Variants in GALNT13 observed in about 807,000 individuals in gnomAD.
The protein encoded by GALNT13 is UDP-GalNAc:polypeptide N-acetylgalactosaminyltransferase 13.
A neutral mutation model predicts 64.2 loss-of-function variants in GALNT13; 28 were observed. The observed-to-expected ratio is 0.44, with a 90% CI of 0.32 to 0.60. The LOEUF is 0.60. GALNT13 is among the 20% of genes least tolerant of loss of function. The pLI is 0.05. For synonymous variants in GALNT13, 214 were observed against 224.6 expected (o/e 0.95, Z 0.42); for missense variants, 577 against 669.8 (o/e 0.86, Z 1.53).
chr2:153,696,611 G>T, the GALNT13 span, among the ~76,000 whole-genome samples: 4 of 103,716 alleles, frequency 3.9e-5, no homozygotes, highest in African/African-American at 1.0e-4. Context: ...TAATAAAATA[G>T]AGTAATTACA....
chr2:153,873,890 C>T (rs1440655177), intron 1 of GALNT13, among the ~76,000 whole-genome samples: 2 of 151,748 alleles, frequency 1.3e-5, no homozygotes, highest in Non-Finnish European at 2.9e-5. Context: ...CTCTCTGTCT[C>T]GTTTGCGTTC....
Position 154,163,228 on chromosome 2 carries a change from C to T in GALNT13, c.311+22723C>T, listed in dbSNP as rs1040427667. The stretch of plus-strand genomic sequence containing the variant: ...ATTCCCATCTATGAGTGAGAACGTG[C>T]GGTGTTTGGTTTTTTGTCCTTGCGA... On this transcript the variant is annotated intron_variant, in intron 4 of 12. Transcript: ENST00000392825. Among the ~76,000 whole-genome samples, 13 of 146,022 alleles carry T rather than the reference C, an allele frequency of 8.9e-5. No individual in the cohort carries two copies. The East Asian group carries it at 1.2e-3, about 14-fold the overall frequency.
chr2:154,287,191 G>C (rs2105951962), intron 8 of GALNT13: 2 of 1,486,548 alleles, frequency 1.3e-6, no homozygotes, highest in Admixed American at 1.7e-5. Context: ...AGGAAGCAGA[G>C]AGGGCCAGAT....
At chr2:154,164,077 C>T (rs192847494) in intron 4 of GALNT13, among the ~76,000 whole-genome samples, 100 of 152,182 alleles carry the variant, frequency 6.6e-4, no homozygotes, top group Non-Finnish European at 1.3e-3. Flanking sequence ...TACTGAATCA[C>T]AGATGCTGAA....
the GALNT13 span, among the ~76,000 whole-genome samples, chr2:153,408,784 T>C: frequency 2.0e-5 from 3 of 152,134 alleles, no homozygotes; most frequent in Admixed American, 1.3e-4. Flanking sequence ...GTGTTAACTT[T>C]ATTGGGTTGA....
At chr2:153,540,936 A>G in the GALNT13 span, among the ~76,000 whole-genome samples, 3 of 152,094 alleles carry the variant, frequency 2.0e-5, no homozygotes, top group African/African-American at 7.2e-5. Context: ...TTGGACTTGG[A>G]CTTTTGGCTT....
the GALNT13 span, among the ~76,000 whole-genome samples, chr2:153,108,039 G>A: frequency 0.087 from 13,184 of 152,010 alleles, 670 homozygotes; most frequent in Non-Finnish European, 0.12. Context: ...CACCACACTC[G>A]GCTAATTTTT....
chr2:153,125,989 A>G, the GALNT13 span, among the ~76,000 whole-genome samples: 1 of 152,108 alleles, frequency 6.6e-6, no homozygotes, highest in South Asian at 2.1e-4. Flanking sequence ...GTTCGAATGA[A>G]TGCAACTCAG....
At chr2:153,734,306 T>G in the GALNT13 span, among the ~76,000 whole-genome samples, 1 of 152,144 alleles carries the variant, frequency 6.6e-6, no homozygotes, top group Non-Finnish European at 1.5e-5. Flanking sequence ...CTCTTCCTGA[T>G]AGTATTTACT....
chr2:153,961,168 G>C (rs1314800627), intron 3 of GALNT13, among the ~76,000 whole-genome samples: 1 of 152,098 alleles, frequency 6.6e-6, no homozygotes, highest in Admixed American at 6.6e-5. Flanking sequence ...CTTGAATACT[G>C]ATTGTGACAA....
the GALNT13 span, among the ~76,000 whole-genome samples, chr2:153,725,832 CT>C: frequency 8.1e-6 from 1 of 122,874 alleles, no homozygotes; most frequent in Admixed American, 7.3e-5. Flanking sequence ...TTTAAATGAT[CT>C]TTTCCCCCTC....
At chr2:153,492,353 A>G in the GALNT13 span, among the ~76,000 whole-genome samples, 1 of 152,232 alleles carries the variant, frequency 6.6e-6, no homozygotes, top group Non-Finnish European at 1.5e-5. Context: ...GCCACAGTGT[A>G]TCTGACAGAC....
rs137960617 is a variant in GALNT13 at position 154,080,974 on chromosome 2, A to T, written c.143-59363A>T. On this transcript the variant is annotated intron_variant, in intron 3 of 12. Transcript: ENST00000392825. ...TGTGTTTTTCATGGCCTGTAGCATA[A>T]GTCCCCATGTTGCATAGTCACACTG... is the stretch of plus-strand genomic sequence containing the variant. Among the ~76,000 whole-genome samples the T allele has an allele frequency of 1.5e-4, 22 of 151,620 alleles. No homozygotes were observed. In the East Asian group the frequency reaches 3.9e-3, roughly 27 times the overall value.
At chr2:154,320,347 A>G (rs1694556357) in intron 9 of GALNT13, among the ~76,000 whole-genome samples, 1 of 152,110 alleles carries the variant, frequency 6.6e-6, no homozygotes, top group Non-Finnish European at 1.5e-5. Context: ...ACTAAGTTCT[A>G]TTTTCTTCCA....
intron 3 of GALNT13, among the ~76,000 whole-genome samples, chr2:154,091,941 C>A (rs970287964): frequency 1.3e-5 from 2 of 151,620 alleles, no homozygotes; most frequent in Middle Eastern, 6.4e-3. Flanking sequence ...TTAAACTAAT[C>A]GGATATTTTA....
chr2:154,145,102 A>ATCTATCTATCTATC (rs754588661), intron 4 of GALNT13, among the ~76,000 whole-genome samples: 8 of 124,382 alleles, frequency 6.4e-5, no homozygotes, highest in Non-Finnish European at 8.1e-5. Context: ...CTATCTATCT[A>ATCTATCTATCTATC]TATATATATA....
At chr2:153,308,070 G>T in the GALNT13 span, among the ~76,000 whole-genome samples, 1 of 151,938 alleles carries the variant, frequency 6.6e-6, no homozygotes, top group African/African-American at 2.4e-5. Flanking sequence ...AAAATATTCA[G>T]AAAAAAATGC....
the GALNT13 span, among the ~76,000 whole-genome samples, chr2:153,228,555 G>C: frequency 6.6e-6 from 1 of 152,072 alleles, no homozygotes; most frequent in African/African-American, 2.4e-5. Flanking sequence ...TTTGAACAAT[G>C]CTAGATCTTT....
At chr2:153,723,104 C>A in the GALNT13 span, among the ~76,000 whole-genome samples, 1 of 144,994 alleles carries the variant, frequency 6.9e-6, no homozygotes. Context: ...GCTTATCCAC[C>A]ATGATCAAGT....
Sources: gnomAD v4.1 joint callset for allele counts (sites outside exome capture counted in the v4.1 genomes callset) on GRCh38, gnomAD v4.1.1 for gene constraint, MANE v1.5 for transcripts, NCBI Gene and HGNC (gene_info 2026-07-23, HGNC 2026-07-21) for gene names.